Variants in NDE1 observed in about 807,000 individuals in gnomAD.
NDE1 encodes nuclear distribution protein nudE homolog 1.
NDE1 carries 28 observed loss-of-function variants against 43.4 expected under a neutral mutation model. The ratio of observed to expected loss-of-function variants is 0.65; its 90% confidence interval spans 0.48 to 0.89. The LOEUF is 0.89. NDE1 is among the 40% of genes least tolerant of loss of function. The probability of loss-of-function intolerance (pLI) is 0.00; values close to 1 mark genes in which losing one functional copy is unlikely to be tolerated. For missense variants in NDE1, 441 were observed against 434.1 expected, an observed-to-expected ratio of 1.02 and a Z score of -0.14; for synonymous variants, 184 against 172.0, an observed-to-expected ratio of 1.07 and a Z score of -0.55.
intron 1 of NDE1, among the ~76,000 whole-genome samples, chr16:15,656,930 T>C (rs1027303331): frequency 1.3e-5 from 2 of 152,254 alleles, no homozygotes; most frequent in East Asian, 3.9e-4. Flanking sequence ...TGTAGAAAAC[T>C]ATGCAGGGGC....
chr16:15,704,539 T>G (rs999937944), intron 8 of NDE1, among the ~76,000 whole-genome samples: 1 of 152,232 alleles, frequency 6.6e-6, no homozygotes, highest in African/African-American at 2.4e-5. Context: ...GGGGCAGAGT[T>G]GAAGAGAGAA....
chr16:15,720,343 C>T (rs779513956), intron 8 of NDE1: 107 of 1,606,494 alleles, frequency 6.7e-5, no homozygotes, highest in Non-Finnish European at 8.9e-5. Context: ...TGTGCTGCCC[C>T]ACTTGCCCCT....
intron 4 of NDE1, among the ~76,000 whole-genome samples, chr16:15,679,568 G>A (rs1567641231): frequency 6.6e-6 from 1 of 152,126 alleles, no homozygotes; most frequent in African/African-American, 2.4e-5. Context: ...TGTAGGATTT[G>A]TGTTTGTTCT....
chr16:15,657,620 C>G lies in NDE1; in HGVS notation c.-43-7116C>G, dbSNP rs144391809. The stretch of plus-strand genomic sequence containing the variant: ...CCTTTTTATTTTTTTGAGATGGGGT[C>G]TTGTTCTGTCGCCCAGGCTGGGAGG... On this transcript the variant is annotated intron_variant, in intron 1 of 8. Transcript: ENST00000396354. Among the ~76,000 whole-genome samples the G allele has an allele frequency of 3.3e-3, 497 of 151,994 alleles. 1 individual carries two copies. Among genetic ancestry groups the G allele is most frequent in the Non-Finnish European group, 6.2e-3 (418 of 67,966 alleles).
intron 8 of NDE1, chr16:15,699,674 T>C: frequency 7.6e-7 from 1 of 1,321,896 alleles, no homozygotes; most frequent in Non-Finnish European, 9.9e-7. Flanking sequence ...GCCCCGGTGC[T>C]AGCCAGTTTG....
At chr16:15,646,711 A>T (rs1385763485), upstream of NDE1, among the ~76,000 whole-genome samples, 3 of 152,054 alleles carry the variant, frequency 2.0e-5, no homozygotes, top group Admixed American at 2.0e-4. Context: ...AGCCTGGGCG[A>T]CAGAGTGAGA....
At chr16:15,698,560 C>A (rs377184732) in intron 8 of NDE1, among the ~76,000 whole-genome samples, 1 of 151,112 alleles carries the variant, frequency 6.6e-6, no homozygotes, top group South Asian at 2.1e-4. Flanking sequence ...GACCTTTACA[C>A]GTGGATTTTT....
At chr16:15,660,608 A>G (rs978759433) in intron 1 of NDE1, among the ~76,000 whole-genome samples, 1 of 152,014 alleles carries the variant, frequency 6.6e-6, no homozygotes, top group Non-Finnish European at 1.5e-5. Context: ...CCAGAATTCC[A>G]TCGCTTTCCT....
At chr16:15,702,593 G>C (rs1446716220) in intron 8 of NDE1, among the ~76,000 whole-genome samples, 1 of 138,912 alleles carries the variant, frequency 7.2e-6, no homozygotes. Context: ...TTTTTTTATA[G>C]AGACGGGGGT....
At chr16:15,650,053 C>A (rs1311501471), upstream of NDE1, among the ~76,000 whole-genome samples, 4 of 152,168 alleles carry the variant, frequency 2.6e-5, no homozygotes, top group Non-Finnish European at 5.9e-5. Flanking sequence ...CCTCTCAAAC[C>A]CCCTCCGGCC....
intron 2 of NDE1, among the ~76,000 whole-genome samples, chr16:15,666,622 A>C (rs1242736548): frequency 6.6e-6 from 1 of 152,078 alleles, no homozygotes; most frequent in Non-Finnish European, 1.5e-5. Flanking sequence ...TAAATAAATA[A>C]AAATTATTTT....
chr16:15,717,362 T>A (rs1458992089), intron 8 of NDE1: 2 of 1,602,864 alleles, frequency 1.2e-6, no homozygotes, highest in Middle Eastern at 1.7e-4. Flanking sequence ...GGGAGGAGAG[T>A]GAAGGCCATG....
chr16:15,703,233 C>G, intron 8 of NDE1: 1 of 214,176 alleles, frequency 4.7e-6, no homozygotes, highest in East Asian at 6.9e-5. Flanking sequence ...GCAGCGTCTC[C>G]TTTTCAATTC....
intron 8 of NDE1, among the ~76,000 whole-genome samples, chr16:15,715,734 A>C (rs949107856): frequency 6.6e-6 from 1 of 152,070 alleles, no homozygotes; most frequent in Non-Finnish European, 1.5e-5. Flanking sequence ...TGCAGCCTTG[A>C]ACTCCTGGCT....
Position 15,716,872 on chromosome 16 carries a change from G to C in NDE1, c.948-7319G>C, listed in dbSNP as rs113546360. Among the ~76,000 whole-genome samples, 1,552 of 152,320 alleles carry C rather than the reference G, an allele frequency of 0.01. 33 individuals are homozygous for C. Among genetic ancestry groups the C allele is most frequent in the African/African-American group, 0.034 (1,423 of 41,554 alleles). ...CTGCAGAGGCTGGGAAAAGTCATATGTACTGCTGGGAAGGCAGGTTAATGT... is the reference window on the plus strand; with the variant it reads ...CTGCAGAGGCTGGGAAAAGTCATATCTACTGCTGGGAAGGCAGGTTAATGT... On this transcript the variant is annotated intron_variant, in intron 8 of 8. Transcript: ENST00000396354.
chr16:15,708,667 C>T, intron 8 of NDE1: 1 of 903,346 alleles, frequency 1.1e-6, no homozygotes, highest in Non-Finnish European at 1.8e-6. Context: ...ACAAAGATAT[C>T]CAAGCCTCCA....
upstream of NDE1, among the ~76,000 whole-genome samples, chr16:15,648,020 G>A (rs1690851298): frequency 7.2e-6 from 1 of 138,490 alleles, no homozygotes; most frequent in Non-Finnish European, 1.5e-5. Context: ...GTCACAGGGT[G>A]AGACTCTGTC....
intron 1 of NDE1, among the ~76,000 whole-genome samples, chr16:15,658,628 TC>T (rs2036888595): frequency 6.6e-6 from 1 of 152,178 alleles, no homozygotes; most frequent in South Asian, 2.1e-4. Context: ...AAACTACAAA[TC>T]ATTAGCTTTA....
At chr16:15,653,659 G>A (rs931148560) in intron 1 of NDE1, among the ~76,000 whole-genome samples, 4 of 151,086 alleles carry the variant, frequency 2.6e-5, no homozygotes, top group Admixed American at 6.6e-5. Flanking sequence ...TGTGTGTCTC[G>A]AGTGTATTTT....
Sources: allele counts gnomAD v4.1 joint callset (sites outside exome capture counted in the v4.1 genomes callset), GRCh38; gene constraint gnomAD v4.1.1; transcripts MANE v1.5; gene names NCBI Gene and HGNC (gene_info 2026-07-23, HGNC 2026-07-21).